OR2AJ1: variants seen among roughly 807,000 people sequenced by gnomAD.
The protein encoded by OR2AJ1 is olfactory receptor family 2 subfamily AJ member 1.
For missense variants in OR2AJ1, 280 were observed against 163.2 expected, an observed-to-expected ratio of 1.72 and a Z score of -3.90; for synonymous variants, 105 against 60.3, an observed-to-expected ratio of 1.74 and a Z score of -3.44.
chr1:247,927,096 C>T (rs1660099683), intron 1 of OR2AJ1, among the ~76,000 whole-genome samples: 1 of 152,194 alleles, frequency 6.6e-6, no homozygotes, highest in Non-Finnish European at 1.5e-5. Flanking sequence ...TTTCTCATCT[C>T]TGCTAACTCT....
intron 1 of OR2AJ1, among the ~76,000 whole-genome samples, chr1:247,933,347 T>C (rs1164478385): frequency 6.6e-6 from 1 of 152,186 alleles, no homozygotes; most frequent in African/African-American, 2.4e-5. Context: ...AAAAGTGACA[T>C]GCAAACATGT....
rs926194378 is a variant in OR2AJ1 at position 247,927,569 on chromosome 1, A to G, written c.-23+2401A>G. Reference sequence around the variant, plus strand: ...CTAGCTATTTGAAAAGATAGAAAAAATTATCATTAACGATAATCATCCTAG... The same window carrying G: ...CTAGCTATTTGAAAAGATAGAAAAAGTTATCATTAACGATAATCATCCTAG... On this transcript the variant is annotated intron_variant, in intron 1 of 1. Coordinates refer to ENST00000318244, the MANE Select transcript of OR2AJ1 (RefSeq NM_001355235.2). Among the ~76,000 whole-genome samples the G allele has an allele frequency of 8.6e-5, 13 of 150,352 alleles. No homozygotes were observed. The East Asian group carries it at 1.8e-3, about 20-fold the overall frequency.
chr1:247,929,761 C>T (rs1234148796), intron 1 of OR2AJ1, among the ~76,000 whole-genome samples: 1 of 152,024 alleles, frequency 6.6e-6, no homozygotes, highest in Non-Finnish European at 1.5e-5. Flanking sequence ...GATATAATTT[C>T]ATATCTGGTG....
Position 247,934,152 on chromosome 1 carries a change from C to A in OR2AJ1, c.384C>A (p.His128Gln). The change falls in exon 2 of 2, where the codon CAC becomes CAA. Residue 128 changes from histidine (H) to glutamine (Q), a missense_variant. His to Gln is a conservative substitution (Grantham distance 24). Transcript: ENST00000318244. Reference sequence around the variant, plus strand: ...GTGATCGCTATGTGGCTATCTGTCACCCGCTGCGCTATCCGATTCTTATGA... The same window carrying A: ...GTGATCGCTATGTGGCTATCTGTCAACCGCTGCGCTATCCGATTCTTATGA... ...MSCDRYVAIC[H>Q]PLRYPILMKE... 1.4e-6 allele frequency: 1 copy of A among 718,778 alleles called. No individual in the cohort carries two copies. The highest frequency in any genetic ancestry group is 2.6e-6 in the Non-Finnish European group (1 of 385,732). The allele number at this position is 718,778 out of a possible 1,614,324, so 44.5% of individuals were successfully genotyped here.
In OR2AJ1 at chr1:247,934,433, T is replaced by C; in HGVS notation, c.665T>C (p.Ile222Thr). 2.8e-6 allele frequency: 2 copies of C among 717,602 alleles called. No homozygotes were observed. The highest frequency in any genetic ancestry group is 5.2e-6 in the Non-Finnish European group (2 of 385,148). 44.5% of individuals were successfully genotyped at this position (717,602 alleles called of 1,614,324 possible). A position where few individuals can be genotyped will look rare whatever the true frequency, so the allele number is the denominator to read the frequency against. The change falls in exon 2 of 2, where the codon ATT becomes ACT. Residue 222 changes from isoleucine to threonine, a missense_variant. Ile to Thr is a moderately conservative substitution (Grantham distance 89, BLOSUM62 -1). Transcript: ENST00000318244. The stretch of plus-strand genomic sequence containing the variant: ...ATCTCTGCTTCTTATGGCCAAATTA[T>C]TCTTACTGTCCTCCAGATGAAATCA... ...SLISASYGQIILTVLQMKSSE... is the reference protein window; with the variant it reads ...SLISASYGQITLTVLQMKSSE...
chr1:247,928,918 T>A (rs1039757038), intron 1 of OR2AJ1, among the ~76,000 whole-genome samples: 30 of 151,952 alleles, frequency 2.0e-4, no homozygotes, highest in African/African-American at 7.2e-4. Flanking sequence ...CACGGTGAAA[T>A]CCCGTCTCTA....
In OR2AJ1 at chr1:247,934,406, T is replaced by C. The variant is rs1558372011; in HGVS notation, c.638T>C (p.Leu213Ser). Residue 213 changes from leucine (L) to serine (S), a missense_variant, in exon 2 of 2, where the codon TTG (leucine) becomes TCG (serine). By Grantham distance (145) the Leu-to-Ser change is moderately radical (BLOSUM62 -2). Coordinates refer to ENST00000318244, the MANE Select transcript of OR2AJ1 (RefSeq NM_001355235.2). ...AVIFLLIPFSLISASYGQIIL... is the reference protein window; with the variant it reads ...AVIFLLIPFSSISASYGQIIL... ...ATCTTCCTGCTGATCCCTTTCTCCT[T>C]GATCTCTGCTTCTTATGGCCAAATT... 1 of 717,958 alleles carries C rather than the reference T, an allele frequency of 1.4e-6. No homozygotes were observed. Among genetic ancestry groups the C allele is most frequent in the Admixed American group, 2.0e-5 (1 of 50,038 alleles). 44.5% of individuals were successfully genotyped at this position (717,958 alleles called of 1,614,324 possible). A position where few individuals can be genotyped will look rare whatever the true frequency, so the allele number is the denominator to read the frequency against.
intron 1 of OR2AJ1, among the ~76,000 whole-genome samples, chr1:247,933,144 C>T (rs1410114153): frequency 6.6e-6 from 1 of 152,100 alleles, no homozygotes; most frequent in Non-Finnish European, 1.5e-5. Flanking sequence ...AAGACAAGTT[C>T]CACAGTTCAT....
Position 247,934,885 on chromosome 1 carries a change from C to G in OR2AJ1, c.*130C>G, listed in dbSNP as rs555518399. The G allele has an allele frequency of 3.5e-6, 2 of 577,740 alleles. No individual in the cohort carries two copies. Among genetic ancestry groups the G allele is most frequent in the Non-Finnish European group, 6.1e-6 (2 of 328,448 alleles). The allele number at this position is 577,740 out of a possible 1,614,324, so 35.8% of individuals were successfully genotyped here. On this transcript the variant is annotated 3_prime_UTR_variant, in exon 2 of 2. Transcript: ENST00000318244. The stretch of plus-strand genomic sequence containing the variant: ...ATAATATGTGTTTGTGTTGTAAACA[C>G]GTACCTCTAAAAATGTAGTGTTCCT...
chr1:247,933,126 TAGAC>T lies in OR2AJ1; in HGVS notation c.-22-617_-22-614del, dbSNP rs370210917. On this transcript the variant is annotated intron_variant, in intron 1 of 1. Coordinates refer to ENST00000318244, the MANE Select transcript of OR2AJ1 (RefSeq NM_001355235.2). ...AGTTTAATCTAAATAATAAATGCAA[TAGAC>T]AGAAAGACAAGTTCCACAGTTCATT... is the stretch of plus-strand genomic sequence containing the variant. 2.6e-3 allele frequency among the ~76,000 whole-genome samples: 394 copies of T among 152,296 alleles called. 4 individuals are homozygous for T. Among genetic ancestry groups the T allele is most frequent in the Middle Eastern group, 3.4e-3 (1 of 294 alleles).
intron 1 of OR2AJ1, among the ~76,000 whole-genome samples, chr1:247,932,882 A>G (rs976352993): frequency 3.3e-5 from 5 of 152,190 alleles, no homozygotes; most frequent in African/African-American, 1.2e-4. Context: ...TATCCCACAT[A>G]TAGAATTAAT....
In OR2AJ1 at chr1:247,924,904, A is replaced by G. The variant is rs543173024; in HGVS notation, c.-287A>G. 31 of 152,338 alleles carry G rather than the reference A, an allele frequency of 2.0e-4. No individual in the cohort carries two copies. The highest frequency in any genetic ancestry group is 7.0e-4 in the African/African-American group (29 of 41,554). The allele number at this position is 152,338 out of a possible 1,614,324, so 9.4% of individuals were successfully genotyped here. ...CAAGCCACATGCTACAGGACTTCCA[A>G]CTGGGAAGTTGTCTTTCATCCTTTT... On this transcript the variant is annotated 5_prime_UTR_variant, in exon 1 of 2. Transcript: ENST00000318244.
rs2103005970 is a variant in OR2AJ1 at position 247,930,717 on chromosome 1, G to T, written c.-22-3030G>T. On this transcript the variant is annotated intron_variant, in intron 1 of 1. Coordinates refer to ENST00000318244, the MANE Select transcript of OR2AJ1 (RefSeq NM_001355235.2). ...TTGTTCCTAAATGAAGACATTTTTAGATATGGTAAAGTCTCACACACACAT... is the reference window on the plus strand; with the variant it reads ...TTGTTCCTAAATGAAGACATTTTTATATATGGTAAAGTCTCACACACACAT... 2.0e-5 allele frequency among the ~76,000 whole-genome samples: 3 copies of T among 152,162 alleles called. 1 individual carries two copies. The Middle Eastern group carries it at 0.01, about 518-fold the overall frequency.
chr1:247,928,835 C>G (rs190223244), intron 1 of OR2AJ1, among the ~76,000 whole-genome samples: 232 of 152,300 alleles, frequency 1.5e-3, no homozygotes, highest in African/African-American at 5.4e-3. Context: ...TGCCTCACGC[C>G]TGTAATCCCA....
chr1:247,925,869 C>T (rs114566892), intron 1 of OR2AJ1, among the ~76,000 whole-genome samples: 2,613 of 152,244 alleles, frequency 0.017, 74 homozygotes, highest in African/African-American at 0.058. Context: ...GGGTAGCAAA[C>T]GATTATCACA....
At chr1:247,927,032 G>T (rs1408700726) in intron 1 of OR2AJ1, among the ~76,000 whole-genome samples, 1 of 152,104 alleles carries the variant, frequency 6.6e-6, no homozygotes, top group Non-Finnish European at 1.5e-5. Flanking sequence ...ATTAGGCTTG[G>T]GTGATATCTA....
intron 1 of OR2AJ1, among the ~76,000 whole-genome samples, chr1:247,930,268 T>C (rs572039360): frequency 2.0e-5 from 3 of 152,314 alleles, no homozygotes; most frequent in Admixed American, 2.0e-4. Context: ...TAGTGAACAA[T>C]CGAAGTCTGT....
intron 1 of OR2AJ1, among the ~76,000 whole-genome samples, chr1:247,930,828 G>A (rs1348215243): frequency 6.6e-6 from 1 of 152,116 alleles, no homozygotes; most frequent in Non-Finnish European, 1.5e-5. Flanking sequence ...GGAAAAAAAT[G>A]TGGGCTCTTC....
At chr1:247,933,613 TG>T in intron 1 of OR2AJ1, 133 bp from the exon 2 acceptor site, 1 of 455,608 alleles carries the variant, frequency 2.2e-6, no homozygotes. Context: ...CTCCAAAAAC[TG>T]GCTAAGAGTA....
Sources: gnomAD v4.1 joint callset for allele counts (sites outside exome capture counted in the v4.1 genomes callset) on GRCh38, gnomAD v4.1.1 for gene constraint, MANE v1.5 for transcripts, NCBI Gene and HGNC (gene_info 2026-07-23, HGNC 2026-07-21) for gene names.